Variants in PFKFB4 observed in about 807,000 individuals in gnomAD.
PFKFB4 encodes the protein 6-phosphofructo-2-kinase/fructose-2,6-biphosphatase 4, also known as 6-phosphofructo-2-kinase/fructose-2,6-bisphosphatase 4.
Under a neutral mutation model 62.8 loss-of-function variants are expected in PFKFB4, and 42 were observed. The ratio of observed to expected loss-of-function variants is 0.67; its 90% CI spans 0.52 to 0.86. PFKFB4 has a LOEUF of 0.86. PFKFB4 is among the 40% of genes least tolerant of loss of function. The probability of loss-of-function intolerance (pLI) is 0.00; values close to 1 mark genes in which losing one functional copy is unlikely to be tolerated. For synonymous variants in PFKFB4, 204 were observed against 240.7 expected (o/e 0.85, Z 1.41); for missense variants, 475 against 627.2 (o/e 0.76, Z 2.59).
At chr3:48,529,818 G>C (rs915924041) in intron 9 of PFKFB4, among the ~76,000 whole-genome samples, 5 of 152,208 alleles carry the variant, frequency 3.3e-5, no homozygotes, top group African/African-American at 1.2e-4. Context: ...GCCAGGCGTA[G>C]TGTTGCACAC....
intron 9 of PFKFB4, among the ~76,000 whole-genome samples, chr3:48,528,587 C>T (rs1355361283): frequency 6.6e-6 from 1 of 152,072 alleles, no homozygotes; most frequent in Non-Finnish European, 1.5e-5. Flanking sequence ...TGCTTGAGCC[C>T]AGGAGATGGA....
Position 48,521,772 on chromosome 3 carries a change from A to G in PFKFB4, c.1350+214T>C, listed in dbSNP as rs1280942345. Among the ~76,000 whole-genome samples, 1 of 152,126 alleles carries G rather than the reference A, an allele frequency of 6.6e-6. No homozygotes were observed. Among genetic ancestry groups the G allele is most frequent in the Non-Finnish European group, 1.5e-5 (1 of 68,006 alleles). ...TGAGCCTGGTGGCCCAGAGTCAGGG[A>G]TTTCCCCATCCCCAGGGCAGGTGCC... On this transcript the variant is annotated intron_variant, in intron 13 of 13. Coordinates refer to ENST00000232375, the MANE Select transcript of PFKFB4 (RefSeq NM_004567.4). The surrounding 1 kb of genome is among the most constrained non-coding windows in gnomAD (Gnocchi z 5.3).
At chr3:48,525,771 G>A (rs1298621438) in intron 9 of PFKFB4, 102 bp from the exon 10 acceptor site, 5 of 527,978 alleles carry the variant, frequency 9.5e-6, no homozygotes, top group South Asian at 5.3e-5. Context: ...CCAAGTTCAC[G>A]GGCATTTCCT....
intron 12 of PFKFB4, 135 bp downstream of exon 12, chr3:48,523,402 G>T: frequency 1.2e-6 from 1 of 835,322 alleles, no homozygotes; most frequent in Non-Finnish European, 1.9e-6. Context: ...AAAGCAAATT[G>T]GGAAAGGTGG....
At chr3:48,538,063 T>C (rs1284931796) in intron 7 of PFKFB4, among the ~76,000 whole-genome samples, 3 of 152,218 alleles carry the variant, frequency 2.0e-5, no homozygotes, top group Non-Finnish European at 4.4e-5. Flanking sequence ...GCTGTTTTTA[T>C]CAAGTTTTAC....
chr3:48,536,280 T>C lies in PFKFB4; in HGVS notation c.816A>G (p.Pro272=). Residue 272 remains proline, a synonymous_variant, in exon 8 of 14, where the codon CCA becomes CCG. Coordinates refer to ENST00000232375, the MANE Select transcript of PFKFB4 (RefSeq NM_004567.4). ...LNLKGRIGGD[P]GLSPRGREFA... ...CCTCCCTGCCCCGAGGGGACAGTCC[T>C]GGGTCCCCGCCAATCCGGCCCTTGA... is the stretch of plus-strand genomic sequence containing the variant. 1.2e-6 allele frequency: 2 copies of C among 1,613,920 alleles called. No homozygotes were observed. The highest frequency in any genetic ancestry group is 1.1e-5 in the South Asian group (1 of 91,070).
chr3:48,538,188 T>A (rs1560165738), intron 7 of PFKFB4, among the ~76,000 whole-genome samples: 1 of 152,214 alleles, frequency 6.6e-6, no homozygotes, highest in Non-Finnish European at 1.5e-5. Flanking sequence ...AAATAAAATA[T>A]TTACTCTCTG....
chr3:48,541,673 A>G (rs1278237890), intron 4 of PFKFB4, among the ~76,000 whole-genome samples: 1 of 152,156 alleles, frequency 6.6e-6, no homozygotes, highest in Admixed American at 6.5e-5. Flanking sequence ...ACAAACAAAA[A>G]AAGAAATTTG....
chr3:48,537,459 G>A (rs929984334), intron 7 of PFKFB4, among the ~76,000 whole-genome samples: 14 of 150,628 alleles, frequency 9.3e-5, no homozygotes, highest in Admixed American at 7.3e-4. Context: ...CCTGCTCTAT[G>A]CACACCCCAA....
chr3:48,519,731 C>T lies in PFKFB4; in HGVS notation c.*16G>A, dbSNP rs751002455. The T allele has an allele frequency of 1.9e-6, 3 of 1,606,080 alleles. No individual in the cohort carries two copies. The highest frequency in any genetic ancestry group is 2.6e-6 in the Non-Finnish European group (3 of 1,173,266). On this transcript the variant is annotated 3_prime_UTR_variant, in exon 14 of 14. Coordinates refer to ENST00000232375, the MANE Select transcript of PFKFB4 (RefSeq NM_004567.4). ...GAGAGCAGTGCCTGCCTAGTGGTCA[C>T]AGTGGATGAACATGGTCACTGGTGA...
At position 48,539,256 on chromosome 3, in the gene PFKFB4, C is replaced by A. The variant is rs142259243; in HGVS notation, c.508G>T (p.Val170Leu). Residue 170 changes from valine to leucine, a missense_variant and splice_region_variant, in exon 6 of 14, where the codon GTG (valine) becomes TTG (leucine). Physicochemically the swap from Val to Leu is conservative, Grantham distance 32 (BLOSUM62 1). Transcript: ENST00000232375. ...ACAAGGTCAGATGCACTACTCACCA[C>A]GATGTTGGCAGCTATGACCTCAGGA... ...VDPEVIAANI[V>L]QVKLGSPDYV... 6.2e-7 allele frequency: 1 copy of A among 1,612,874 alleles called. No homozygotes were observed. Among genetic ancestry groups the A allele is most frequent in the Non-Finnish European group, 8.5e-7 (1 of 1,178,970 alleles).
At chr3:48,562,819 GT>G, upstream of PFKFB4, 1 of 1,570,434 alleles carries the variant, frequency 6.4e-7, no homozygotes, top group Non-Finnish European at 8.6e-7. This position sits in a 1 kb window ranked among gnomAD's most constrained non-coding sequence, Gnocchi z 4.3. Context: ...GGATGCGGGC[GT>G]TGGTGGTGGC....
Position 48,550,155 on chromosome 3 carries a change from C to A in PFKFB4, c.177G>T (p.Leu59=). 1 of 1,614,124 alleles carries A rather than the reference C, an allele frequency of 6.2e-7. No individual in the cohort carries two copies. Among genetic ancestry groups the A allele is most frequent in the Admixed American group, 1.7e-5 (1 of 60,026 alleles). The change falls in exon 2 of 14, where the codon CTG becomes CTT. Residue 59 remains leucine (L), a synonymous_variant. Transcript: ENST00000232375. ...ARGKTYISKK[L]TRYLNWIGVP... is the part of the protein sequence containing the mutation. Reference sequence around the variant, plus strand: ...CACCAATCCAGTTCAGGTATCGAGTCAGCTTCTTGGAGATGTAGGTCTTGC... The same window carrying A: ...CACCAATCCAGTTCAGGTATCGAGTAAGCTTCTTGGAGATGTAGGTCTTGC...
chr3:48,539,810 G>T, intron 4 of PFKFB4, 39 bp from the exon 5 acceptor site: 2 of 1,535,290 alleles, frequency 1.3e-6, no homozygotes, highest in Non-Finnish European at 1.8e-6. Context: ...TCTGGCCCTG[G>T]GGAAGGAAGG....
chr3:48,526,488 G>C (rs142013870), intron 9 of PFKFB4, among the ~76,000 whole-genome samples: 1 of 144,598 alleles, frequency 6.9e-6, no homozygotes, highest in African/African-American at 2.6e-5. Flanking sequence ...CAGGAGAATC[G>C]CATGTACCCA....
Position 48,523,684 on chromosome 3 carries a change from C to G in PFKFB4, c.1222+17G>C. On this transcript the variant is annotated intron_variant, in intron 11 of 13. Coordinates refer to ENST00000232375, the MANE Select transcript of PFKFB4 (RefSeq NM_004567.4). The stretch of plus-strand genomic sequence containing the variant: ...TCTCACACAACCTTCCCACCTCCCC[C>G]GGGGCACAGCCCACACCTGCTGCCT... 1 of 1,614,080 alleles carries G rather than the reference C, an allele frequency of 6.2e-7. No homozygotes were observed. Among genetic ancestry groups the G allele is most frequent in the Non-Finnish European group, 8.5e-7 (1 of 1,179,978 alleles).
At chr3:48,537,911 A>G (rs1261513795) in intron 7 of PFKFB4, among the ~76,000 whole-genome samples, 1 of 152,110 alleles carries the variant, frequency 6.6e-6, no homozygotes, top group Non-Finnish European at 1.5e-5. Context: ...ATATTTTCCC[A>G]TGTCTCTCCA....
At chr3:48,561,036 G>A (rs897228781), upstream of PFKFB4, 8 of 1,258,608 alleles carry the variant, frequency 6.4e-6, no homozygotes, top group East Asian at 6.3e-5. This position sits in a 1 kb window ranked among gnomAD's most constrained non-coding sequence, Gnocchi z 5.2. Flanking sequence ...CCCTCCCCAC[G>A]CTGTCCCGTG....
Position 48,536,316 on chromosome 3 carries a change from G to A in PFKFB4, c.780C>T (p.Ser260=), listed in dbSNP as rs769599056. ...RSIYLCRHGE[S]ELNLKGRIGG... ...CAATCCGGCCCTTGAGGTTGAGCTC[G>A]CTCTCCCCGTGCCGGCAGAGGTAGA... Residue 260 remains serine (S), a synonymous_variant, in exon 8 of 14, where the codon AGC becomes AGT. Coordinates refer to ENST00000232375, the MANE Select transcript of PFKFB4 (RefSeq NM_004567.4). The A allele has an allele frequency of 5.5e-5, 89 of 1,614,100 alleles. No homozygotes were observed. In the South Asian group the frequency reaches 5.9e-4, roughly 11 times the overall value.
Sources: gnomAD v4.1 joint callset for allele counts (sites outside exome capture counted in the v4.1 genomes callset) on GRCh38, gnomAD v4.1.1 for gene constraint, Gnocchi (gnomAD v3.1) non-coding constraint, MANE v1.5 for transcripts, NCBI Gene and HGNC (gene_info 2026-07-23, HGNC 2026-07-21) for gene names.